The following NT5C2 variants were observed in gnomAD, a reference collection of about 807,000 sequenced individuals.
NT5C2 encodes the protein cytosolic purine 5'-nucleotidase.
Under a neutral mutation model 76.1 loss-of-function variants are expected in NT5C2, and 58 were observed. That is an observed-to-expected ratio of 0.76 (90% CI 0.62 to 0.95). The LOEUF is 0.95. NT5C2 is among the 40% of genes least tolerant of loss of function. NT5C2 has a pLI of 0.00. For synonymous variants in NT5C2, 229 were observed against 237.4 expected, an observed-to-expected ratio of 0.96 and a Z score of 0.32; for missense variants, 478 against 690.3, an observed-to-expected ratio of 0.69 and a Z score of 3.45.
intron 4 of NT5C2, among the ~76,000 whole-genome samples, chr10:103,109,933 T>G (rs1320995052): frequency 6.6e-6 from 1 of 152,222 alleles, no homozygotes; most frequent in African/African-American, 2.4e-5. Context: ...ACATTATATT[T>G]ATTGGCAGGG....
intron 1 of NT5C2, among the ~76,000 whole-genome samples, chr10:103,182,892 C>A (rs962501319): frequency 6.6e-6 from 1 of 152,026 alleles, no homozygotes; most frequent in Non-Finnish European, 1.5e-5. Context: ...TACTAAATAG[C>A]CACATTTTAT....
chr10:103,157,051 T>C (rs944445443), intron 3 of NT5C2, among the ~76,000 whole-genome samples: 1 of 149,774 alleles, frequency 6.7e-6, no homozygotes, highest in East Asian at 1.9e-4. Flanking sequence ...TTTAAATGTA[T>C]ATTACTCTTA....
At chr10:103,159,118 A>T (rs2084136110) in intron 3 of NT5C2, among the ~76,000 whole-genome samples, 1 of 152,124 alleles carries the variant, frequency 6.6e-6, no homozygotes, top group Non-Finnish European at 1.5e-5. Flanking sequence ...TTGTAGTTCC[A>T]GCTATTCAGG....
intron 3 of NT5C2, among the ~76,000 whole-genome samples, chr10:103,145,608 T>C (rs2133413995): frequency 6.6e-6 from 1 of 152,298 alleles, no homozygotes; most frequent in South Asian, 2.1e-4. Flanking sequence ...CGAAGCTTGC[T>C]TTTAAAAAAG....
At chr10:103,111,617 T>C (rs759245488) in intron 4 of NT5C2, 5 of 576,794 alleles carry the variant, frequency 8.7e-6, no homozygotes, top group Non-Finnish European at 1.3e-5. Context: ...AGTTTGGAAT[T>C]CTCATGCACT....
chr10:103,183,262 GATA>G (rs1382705894), intron 1 of NT5C2, among the ~76,000 whole-genome samples: 16 of 73,344 alleles, frequency 2.2e-4, no homozygotes, highest in Non-Finnish European at 3.5e-4. Context: ...GTGTGTGTGT[GATA>G]TATATATATA....
At chr10:103,165,524 C>T (rs917018034) in intron 3 of NT5C2, among the ~76,000 whole-genome samples, 2 of 150,934 alleles carry the variant, frequency 1.3e-5, no homozygotes, top group African/African-American at 4.9e-5. Context: ...AATCCTCCTG[C>T]CTCAGCCTCC....
chr10:103,135,719 C>T (rs1418969560), intron 4 of NT5C2, among the ~76,000 whole-genome samples: 4 of 151,474 alleles, frequency 2.6e-5, no homozygotes, highest in South Asian at 2.1e-4. Context: ...ACCCAGGAGG[C>T]GGAGGTTGCA....
intron 3 of NT5C2, among the ~76,000 whole-genome samples, chr10:103,152,001 CCAAGTCTAA>C (rs1432975621): frequency 6.6e-6 from 1 of 152,138 alleles, no homozygotes; most frequent in Non-Finnish European, 1.5e-5. Flanking sequence ...CTCTAACTAA[CCAAGTCTAA>C]CATATACTTT....
At chr10:103,186,385 G>T (rs1250702621) in intron 1 of NT5C2, among the ~76,000 whole-genome samples, 1 of 152,222 alleles carries the variant, frequency 6.6e-6, no homozygotes, top group Non-Finnish European at 1.5e-5. Context: ...TTGCAGGAAT[G>T]AGTAATAGGC....
At chr10:103,138,092 G>A (rs966599783) in intron 4 of NT5C2, among the ~76,000 whole-genome samples, 3 of 152,196 alleles carry the variant, frequency 2.0e-5, no homozygotes, top group African/African-American at 7.2e-5. Flanking sequence ...CATCTACACA[G>A]ACTAAGGATT....
chr10:103,117,749 T>C (rs535655846), intron 4 of NT5C2, among the ~76,000 whole-genome samples: 2 of 152,322 alleles, frequency 1.3e-5, no homozygotes, highest in African/African-American at 4.8e-5. Flanking sequence ...ACATTGAAAA[T>C]TCTTATTTTA....
Position 103,159,251 on chromosome 10 carries a change from GCACACACACACACA to G in NT5C2, c.101+15593_101+15606del, listed in dbSNP as rs57117670. Among the ~76,000 whole-genome samples, 204 of 133,282 alleles carry G rather than the reference GCACACACACACACA, an allele frequency of 1.5e-3. 4 individuals are homozygous for G. Among genetic ancestry groups the G allele is most frequent in the East Asian group, 0.011 (49 of 4,596 alleles). 87.4% of individuals were successfully genotyped at this position (133,282 alleles called of 152,430 possible). On this transcript the variant is annotated intron_variant, in intron 3 of 18. Transcript: ENST00000404739. ...GAGTGAGACCTCATCTCCAAAACAT[GCACACACACACACA>G]CACACACACACACACACACACACAC...
intron 3 of NT5C2, among the ~76,000 whole-genome samples, chr10:103,172,778 T>A (rs1394473831): frequency 6.6e-6 from 1 of 152,156 alleles, no homozygotes; most frequent in Admixed American, 6.5e-5. Flanking sequence ...GAGGTTGCAG[T>A]GAGCTGAGAT....
intron 1 of NT5C2, among the ~76,000 whole-genome samples, chr10:103,185,565 TTGAGCCGGGAAGGCAGAGATTGCG>T (rs1421833449): frequency 6.6e-6 from 1 of 150,790 alleles, no homozygotes; most frequent in Non-Finnish European, 1.5e-5. Flanking sequence ...GGAAGATTGC[TTGAGCCGGGAAGGCAGAGATTGCG>T]TGAGCCAAGA....
intron 3 of NT5C2, among the ~76,000 whole-genome samples, chr10:103,172,230 T>C (rs1182040849): frequency 6.6e-6 from 1 of 150,760 alleles, no homozygotes; most frequent in African/African-American, 2.4e-5. Flanking sequence ...AAAATTTAAA[T>C]ACAATTTTAA....
At chr10:103,144,473 G>A (rs2081137484) in intron 3 of NT5C2, among the ~76,000 whole-genome samples, 1 of 152,162 alleles carries the variant, frequency 6.6e-6, no homozygotes, top group Non-Finnish European at 1.5e-5. Flanking sequence ...CCAAGTACCA[G>A]CTTCTTTCTT....
At chr10:103,193,031 GT>G (rs1029375203) in intron 1 of NT5C2, among the ~76,000 whole-genome samples, 1 of 151,618 alleles carries the variant, frequency 6.6e-6, no homozygotes, top group Non-Finnish European at 1.5e-5. Context: ...CACCGAGGGA[GT>G]TGGGAGGCGT....
At chr10:103,132,141 G>A (rs900656685) in intron 4 of NT5C2, among the ~76,000 whole-genome samples, 1 of 151,506 alleles carries the variant, frequency 6.6e-6, no homozygotes, top group Non-Finnish European at 1.5e-5. Context: ...TTGGGAGGCC[G>A]AGGCACAAGA....
Sources: allele counts gnomAD v4.1 joint callset (sites outside exome capture counted in the v4.1 genomes callset), GRCh38; gene constraint gnomAD v4.1.1; transcripts MANE v1.5; gene names NCBI Gene and HGNC (gene_info 2026-07-23, HGNC 2026-07-21).